Variants in DOCK10 observed in about 807,000 individuals in gnomAD.
DOCK10 encodes dedicator of cytokinesis 10.
DOCK10 carries 145 observed loss-of-function variants against 280.1 expected under a neutral mutation model. The ratio of observed to expected loss-of-function variants is 0.52; its 90% CI spans 0.45 to 0.59. DOCK10 has a LOEUF of 0.59. Ranked by LOEUF, DOCK10 falls within the 20% of genes least tolerant of loss-of-function variation. The probability of loss-of-function intolerance (pLI) is 0.00; values close to 1 mark genes in which losing one functional copy is unlikely to be tolerated. For synonymous variants in DOCK10, 915 were observed against 942.2 expected (o/e 0.97, Z 0.53); for missense variants, 2,368 against 2,651.7 (o/e 0.89, Z 2.35).
intron 14 of DOCK10, among the ~76,000 whole-genome samples, chr2:224,860,210 T>G (rs903228886): frequency 2.0e-5 from 3 of 152,202 alleles, no homozygotes; most frequent in African/African-American, 7.2e-5. Flanking sequence ...CATATTTAAC[T>G]AGACAACTTC....
chr2:224,887,881 T>A (rs906461667), intron 4 of DOCK10, among the ~76,000 whole-genome samples: 19 of 152,224 alleles, frequency 1.2e-4, no homozygotes, highest in African/African-American at 4.6e-4. Flanking sequence ...ATTAGCTCTC[T>A]AGACTTCATC....
intron 11 of DOCK10, among the ~76,000 whole-genome samples, chr2:224,867,108 A>ACAC (rs58329909): frequency 6.6e-6 from 1 of 151,172 alleles, no homozygotes; most frequent in African/African-American, 2.4e-5. Context: ...ACACACACAC[A>ACAC]AAATTTATTT....
chr2:224,901,213 A>G (rs1700278277), intron 3 of DOCK10, among the ~76,000 whole-genome samples: 1 of 152,198 alleles, frequency 6.6e-6, no homozygotes, highest in Non-Finnish European at 1.5e-5. Context: ...CTTTGTCCAA[A>G]ATCTAAGCTG....
At chr2:225,023,424 T>C (rs1231452878) in intron 1 of DOCK10, among the ~76,000 whole-genome samples, 2 of 151,880 alleles carry the variant, frequency 1.3e-5, no homozygotes, top group East Asian at 3.8e-4. Context: ...AATTGTCAGA[T>C]GGGGAAAAAA....
intron 1 of DOCK10, among the ~76,000 whole-genome samples, chr2:224,966,829 A>G (rs1266234219): frequency 1.3e-5 from 2 of 152,086 alleles, no homozygotes; most frequent in East Asian, 3.9e-4. Context: ...ATATGAATAA[A>G]CCTTTCATAC....
chr2:224,969,472 A>G (rs1704961931), intron 1 of DOCK10, among the ~76,000 whole-genome samples: 1 of 152,164 alleles, frequency 6.6e-6, no homozygotes, highest in African/African-American at 2.4e-5. Flanking sequence ...ATTTGTGATG[A>G]GACTTTTTAT....
At chr2:224,895,006 GC>G (rs1559687919) in intron 4 of DOCK10, among the ~76,000 whole-genome samples, 5 of 152,088 alleles carry the variant, frequency 3.3e-5, no homozygotes, top group African/African-American at 1.2e-4. Flanking sequence ...ATCTTATTAC[GC>G]CCCTTTCATC....
At chr2:224,870,525 A>T (rs1378927833) in intron 11 of DOCK10, among the ~76,000 whole-genome samples, 1 of 152,138 alleles carries the variant, frequency 6.6e-6, no homozygotes, top group Non-Finnish European at 1.5e-5. Context: ...CATGTCTACC[A>T]GATGGACTCC....
At chr2:224,938,406 C>T (rs925087003) in intron 1 of DOCK10, among the ~76,000 whole-genome samples, 3 of 152,076 alleles carry the variant, frequency 2.0e-5, no homozygotes, top group Non-Finnish European at 4.4e-5. Flanking sequence ...AGTTTGGTAC[C>T]AATAGAGTAG....
At chr2:224,958,465 C>T (rs1415327799) in intron 1 of DOCK10, among the ~76,000 whole-genome samples, 2 of 152,152 alleles carry the variant, frequency 1.3e-5, no homozygotes, top group African/African-American at 2.4e-5. Context: ...GGTTAAACAG[C>T]CTCTCTTCCC....
intron 7 of DOCK10, among the ~76,000 whole-genome samples, chr2:224,883,801 A>G (rs12052387): frequency 0.055 from 8,418 of 152,306 alleles, 276 homozygotes; most frequent in South Asian, 0.086. Context: ...GATTAGAGCA[A>G]TAAGTTCTAT....
chr2:224,890,980 G>A (rs979381209), intron 4 of DOCK10, among the ~76,000 whole-genome samples: 10 of 152,168 alleles, frequency 6.6e-5, no homozygotes, highest in African/African-American at 1.7e-4. Context: ...CGTGCATTCC[G>A]AAGAGTCTAG....
At chr2:224,892,580 G>A (rs986099696) in intron 4 of DOCK10, among the ~76,000 whole-genome samples, 7 of 152,152 alleles carry the variant, frequency 4.6e-5, no homozygotes, top group African/African-American at 1.7e-4. Context: ...AGGAGAAGCA[G>A]CTGGTTGTGT....
chr2:224,789,266 A>C, intron 47 of DOCK10, 96 bp from the exon 48 acceptor site: 1 of 722,872 alleles, frequency 1.4e-6, no homozygotes, highest in Admixed American at 2.2e-5. Context: ...AAGTGGTAGT[A>C]TTACAAAGCT....
At chr2:224,915,324 A>G (rs745559400) in intron 3 of DOCK10, among the ~76,000 whole-genome samples, 17 of 152,248 alleles carry the variant, frequency 1.1e-4, no homozygotes, top group Non-Finnish European at 2.1e-4. Context: ...TATCATACTG[A>G]TATCACACAC....
Position 224,886,071 on chromosome 2 carries a change from T to A in DOCK10, c.604A>T (p.Thr202Ser). The A allele has an allele frequency of 6.2e-7, 1 of 1,613,842 alleles. No individual in the cohort carries two copies. Among genetic ancestry groups the A allele is most frequent in the Non-Finnish European group, 8.5e-7 (1 of 1,179,866 alleles). Reference protein sequence around the residue: ...NFNSTVNNTVTVRSFKKRYFQ... With the variant: ...NFNSTVNNTVSVRSFKKRYFQ... ...TCTTGATATCTCCTTACCCGAACAGTAACGGTGTTGTTCACGGTGCTGTTA... is the reference window on the plus strand; with the variant it reads ...TCTTGATATCTCCTTACCCGAACAGAAACGGTGTTGTTCACGGTGCTGTTA... The change falls in exon 6 of 56, where the codon ACT (threonine) becomes TCT (serine). Residue 202 changes from threonine to serine, a missense_variant. Around this residue, in one of 2 missense-constraint regions of DOCK10, gnomAD observed 1,209 missense variants for 1,250.9 expected, o/e 0.97. Transcript: ENST00000258390.
chr2:224,873,848 A>T (rs1698454248), intron 11 of DOCK10, 148 bp downstream of exon 11: 3 of 752,402 alleles, frequency 4.0e-6, no homozygotes, highest in Non-Finnish European at 6.3e-6. Flanking sequence ...ACACTTGTGT[A>T]ATGTGGGAAA....
intron 27 of DOCK10, among the ~76,000 whole-genome samples, chr2:224,826,855 AG>A (rs1694899690): frequency 6.6e-6 from 1 of 152,002 alleles, no homozygotes; most frequent in Non-Finnish European, 1.5e-5. Context: ...CCCAGCTACT[AG>A]GGATGCTGAG....
chr2:225,040,513 CGTGT>C (rs34574873), intron 1 of DOCK10, among the ~76,000 whole-genome samples: 10,856 of 147,002 alleles, frequency 0.074, 620 homozygotes, highest in African/African-American at 0.16. Flanking sequence ...GAAAGCAGTG[CGTGT>C]GTGTGTGTGT....
Sources: gnomAD v4.1 joint callset for allele counts (sites outside exome capture counted in the v4.1 genomes callset) on GRCh38, gnomAD v4.1.1 for gene constraint, gnomAD v4.1.1 regional missense constraint, MANE v1.5 for transcripts, NCBI Gene and HGNC (gene_info 2026-07-23, HGNC 2026-07-21) for gene names.